Variants in BICD1 observed in about 807,000 individuals in gnomAD.
The protein encoded by BICD1 is BICD cargo adaptor 1.
In BICD1, 35 loss-of-function variants were observed where a neutral mutation model predicts 92.5. The observed-to-expected ratio is 0.38, with a 90% confidence interval of 0.29 to 0.50. BICD1 has a LOEUF of 0.50. Ranked by LOEUF, BICD1 falls within the 20% of genes least tolerant of loss-of-function variation. BICD1 has a pLI of 0.93. For synonymous variants in BICD1, 429 were observed against 465.1 expected (o/e 0.92, Z 1.00); for missense variants, 950 against 1,189.8 (o/e 0.80, Z 2.97).
intron 2 of BICD1, among the ~76,000 whole-genome samples, chr12:32,231,596 TTTA>T (rs1407386340): frequency 1.5e-4 from 19 of 126,556 alleles, no homozygotes; most frequent in Non-Finnish European, 3.1e-4. Flanking sequence ...TATTTATTTA[TTTA>T]TTATTATACT....
At chr12:32,159,719 A>C (rs1943544466) in intron 1 of BICD1, among the ~76,000 whole-genome samples, 1 of 152,174 alleles carries the variant, frequency 6.6e-6, no homozygotes, top group South Asian at 2.1e-4. Flanking sequence ...AGCCAGAGTC[A>C]TCATGTTGAC....
chr12:32,193,326 T>C (rs1267333422), intron 1 of BICD1, among the ~76,000 whole-genome samples: 1 of 152,226 alleles, frequency 6.6e-6, no homozygotes, highest in Non-Finnish European at 1.5e-5. Context: ...TATCATTTTT[T>C]AGCAATAAAG....
At chr12:32,147,962 G>T (rs1012167637) in intron 1 of BICD1, among the ~76,000 whole-genome samples, 7 of 135,286 alleles carry the variant, frequency 5.2e-5, no homozygotes, top group Non-Finnish European at 1.0e-4. Flanking sequence ...AATATAGGGA[G>T]ACCCCCCATC....
intron 1 of BICD1, among the ~76,000 whole-genome samples, chr12:32,119,616 A>G (rs749458030): frequency 3.3e-5 from 5 of 152,228 alleles, no homozygotes; most frequent in African/African-American, 9.6e-5. Flanking sequence ...TCATGCCTGT[A>G]ATGCCAGCAC....
intron 1 of BICD1, among the ~76,000 whole-genome samples, chr12:32,174,138 G>A (rs965170392): frequency 6.6e-6 from 1 of 151,874 alleles, no homozygotes; most frequent in African/African-American, 2.4e-5. Context: ...CTTGAAAATA[G>A]CTTTCCCTTC....
chr12:32,273,253 C>G (rs1947188899), intron 2 of BICD1, among the ~76,000 whole-genome samples: 1 of 152,158 alleles, frequency 6.6e-6, no homozygotes, highest in Admixed American at 6.5e-5. Flanking sequence ...ACTCTCATAG[C>G]CTCGATTTCT....
chr12:32,287,815 G>A (rs1365951859), intron 2 of BICD1, among the ~76,000 whole-genome samples: 1 of 152,194 alleles, frequency 6.6e-6, no homozygotes, highest in African/African-American at 2.4e-5. Context: ...GGGATTGCAG[G>A]CATGAGCCAC....
At position 32,214,867 on chromosome 12, in the gene BICD1, A is replaced by C. The variant is rs530614545; in HGVS notation, c.214-1380A>C. ...TCCATTTTGGGTTCCCCCAACACCG[A>C]GAGGTTGGTTTTAATTATTCTTTAT... is the stretch of plus-strand genomic sequence containing the variant. On this transcript the variant is annotated intron_variant, in intron 1 of 9. Transcript: ENST00000652176. Among the ~76,000 whole-genome samples, 4 of 152,048 alleles carry C rather than the reference A, an allele frequency of 2.6e-5. No individual in the cohort carries two copies. The South Asian group carries it at 8.4e-4, about 32-fold the overall frequency.
intron 1 of BICD1, among the ~76,000 whole-genome samples, chr12:32,112,821 T>C (rs1011182769): frequency 6.6e-6 from 1 of 152,206 alleles, no homozygotes; most frequent in African/African-American, 2.4e-5. Flanking sequence ...GAGGGCTTAC[T>C]GCTCATTTTT....
intron 7 of BICD1, chr12:32,338,350 GCA>G (rs1234382015): frequency 5.6e-6 from 1 of 179,052 alleles, no homozygotes; most frequent in Non-Finnish European, 1.1e-5. Context: ...GATGGAATAC[GCA>G]CAGTCCTTTT....
At chr12:32,290,634 T>A (rs1461698585) in intron 2 of BICD1, among the ~76,000 whole-genome samples, 1 of 152,178 alleles carries the variant, frequency 6.6e-6, no homozygotes, top group Non-Finnish European at 1.5e-5. Context: ...ACCCTAGATA[T>A]CTAATTACCC....
chr12:32,247,703 AAAATT>A (rs1946424688), intron 2 of BICD1, among the ~76,000 whole-genome samples: 3 of 152,158 alleles, frequency 2.0e-5, no homozygotes, highest in Non-Finnish European at 4.4e-5. Flanking sequence ...CTGAGGCAGG[AAAATT>A]GGTTGAACTG....
chr12:32,347,671 T>C (rs1466345654), intron 8 of BICD1, among the ~76,000 whole-genome samples: 1 of 151,802 alleles, frequency 6.6e-6, no homozygotes, highest in East Asian at 1.9e-4. Flanking sequence ...TGTACCTATA[T>C]ACCCTTTTCA....
At chr12:32,301,761 C>A (rs1948053127) in intron 3 of BICD1, among the ~76,000 whole-genome samples, 1 of 152,054 alleles carries the variant, frequency 6.6e-6, no homozygotes, top group African/African-American at 2.4e-5. Flanking sequence ...GGCAACAGAG[C>A]AAGACCCTGT....
chr12:32,152,196 A>G (rs1484208522), intron 1 of BICD1, among the ~76,000 whole-genome samples: 1 of 151,498 alleles, frequency 6.6e-6, no homozygotes, highest in Non-Finnish European at 1.5e-5. Context: ...ACCTCAGGTG[A>G]TCCACCTGCC....
chr12:32,269,704 G>A (rs74072033), intron 2 of BICD1, among the ~76,000 whole-genome samples: 8,295 of 152,148 alleles, frequency 0.055, 744 homozygotes, highest in African/African-American at 0.19. Context: ...GACACTGGTC[G>A]ATCACCCATT....
intron 4 of BICD1, among the ~76,000 whole-genome samples, chr12:32,311,964 G>A (rs1042842003): frequency 5.9e-5 from 9 of 152,194 alleles, no homozygotes; most frequent in African/African-American, 2.2e-4. Flanking sequence ...GATATACAGG[G>A]TTAAATAAAA....
At chr12:32,123,510 G>A (rs1377655816) in intron 1 of BICD1, among the ~76,000 whole-genome samples, 2 of 152,214 alleles carry the variant, frequency 1.3e-5, no homozygotes, top group Non-Finnish European at 2.9e-5. Flanking sequence ...TCCCACCATA[G>A]CAGGTGTTTA....
intron 5 of BICD1, among the ~76,000 whole-genome samples, chr12:32,329,851 G>A (rs1326132626): frequency 1.3e-5 from 2 of 152,134 alleles, no homozygotes; most frequent in Non-Finnish European, 2.9e-5. Flanking sequence ...AATATAGGCA[G>A]GAAAATTATT....
Sources: allele counts gnomAD v4.1 joint callset (sites outside exome capture counted in the v4.1 genomes callset), GRCh38; gene constraint gnomAD v4.1.1; transcripts MANE v1.5; gene names NCBI Gene and HGNC (gene_info 2026-07-23, HGNC 2026-07-21).